Variants in NOX3 observed in about 807,000 individuals in gnomAD.
The protein encoded by NOX3 is NADPH oxidase 3.
NOX3 carries 74 observed loss-of-function variants against 76.7 expected under a neutral mutation model. The observed-to-expected ratio is 0.96, with a 90% CI of 0.80 to 1.17. NOX3 has a LOEUF of 1.17. Ranked by LOEUF, NOX3 falls within the 50% of genes most tolerant of loss-of-function variation. The probability of loss-of-function intolerance (pLI) is 0.00; values close to 1 mark genes in which losing one functional copy is unlikely to be tolerated. For synonymous variants in NOX3, 263 were observed against 261.1 expected, an observed-to-expected ratio of 1.01 and a Z score of -0.07; for missense variants, 695 against 703.3, an observed-to-expected ratio of 0.99 and a Z score of 0.13.
chr6:155,409,757 T>C (rs960366806), intron 11 of NOX3, among the ~76,000 whole-genome samples: 3 of 152,216 alleles, frequency 2.0e-5, no homozygotes, highest in Non-Finnish European at 4.4e-5. Flanking sequence ...GTCGAAATAA[T>C]TTTCAACATG....
intron 10 of NOX3, among the ~76,000 whole-genome samples, chr6:155,412,614 G>A (rs1025007753): frequency 6.6e-6 from 1 of 152,162 alleles, no homozygotes; most frequent in Non-Finnish European, 1.5e-5. Context: ...CTTTTCTCAG[G>A]AAGAGAGAGG....
chr6:155,437,443 T>C (rs1776922892), intron 6 of NOX3, among the ~76,000 whole-genome samples: 1 of 152,220 alleles, frequency 6.6e-6, no homozygotes, highest in African/African-American at 2.4e-5. Context: ...GCCCCTGTTA[T>C]ATCACAGGGC....
chr6:155,426,890 C>G (rs963771649), intron 9 of NOX3, among the ~76,000 whole-genome samples: 2 of 151,856 alleles, frequency 1.3e-5, no homozygotes, highest in Non-Finnish European at 2.9e-5. Context: ...TGTATACACA[C>G]AGGGCAGAAG....
Position 155,453,498 on chromosome 6 carries a change from C to A in NOX3, c.256-10G>T. On this transcript the variant is annotated splice_polypyrimidine_tract_variant and intron_variant, in intron 3 of 13. Coordinates refer to ENST00000159060, the MANE Select transcript of NOX3 (RefSeq NM_015718.3). Reference sequence around the variant, plus strand: ...ACGGTCCTCTGCAGCACTAGAGTAACAAAAAAATATGCCTGATTTATGGAA... The same window carrying A: ...ACGGTCCTCTGCAGCACTAGAGTAAAAAAAAAATATGCCTGATTTATGGAA... 1 of 1,600,314 alleles carries A rather than the reference C, an allele frequency of 6.2e-7. No individual in the cohort carries two copies. Among genetic ancestry groups the A allele is most frequent in the Non-Finnish European group, 8.6e-7 (1 of 1,168,672 alleles).
chr6:155,433,669 T>C (rs1776864500), intron 7 of NOX3, among the ~76,000 whole-genome samples: 2 of 152,196 alleles, frequency 1.3e-5, no homozygotes, highest in African/African-American at 4.8e-5. Flanking sequence ...GCTGACAAAA[T>C]GGCGGTTATG....
intron 10 of NOX3, among the ~76,000 whole-genome samples, chr6:155,414,627 T>TCC (rs1296917261): frequency 7.6e-6 from 1 of 131,038 alleles, no homozygotes; most frequent in African/African-American, 2.8e-5. Context: ...TTCTTTCTTT[T>TCC]TTTTTTTTTT....
At chr6:155,416,842 C>T (rs1390408063) in intron 10 of NOX3, among the ~76,000 whole-genome samples, 1 of 150,812 alleles carries the variant, frequency 6.6e-6, no homozygotes, top group South Asian at 2.1e-4. Context: ...CCTCCACCTC[C>T]CAGGTTCAAG....
intron 6 of NOX3, among the ~76,000 whole-genome samples, chr6:155,437,322 A>G (rs1582942870): frequency 6.6e-6 from 1 of 152,192 alleles, no homozygotes; most frequent in South Asian, 2.1e-4. Flanking sequence ...TTCAGTTCCT[A>G]GGTGTTTGTG....
chr6:155,450,110 G>A (rs1005069197), intron 4 of NOX3, among the ~76,000 whole-genome samples: 4 of 152,222 alleles, frequency 2.6e-5, no homozygotes, highest in Non-Finnish European at 5.9e-5. Flanking sequence ...GGAGGAGTGG[G>A]ATGAGGGGCA....
chr6:155,445,954 ATGC>A (rs1777056746), intron 4 of NOX3, among the ~76,000 whole-genome samples: 2 of 133,046 alleles, frequency 1.5e-5, no homozygotes, highest in African/African-American at 6.0e-5. Flanking sequence ...TAATATATAT[ATGC>A]TATATATATA....
chr6:155,443,240 AG>A, intron 5 of NOX3, 32 bp downstream of exon 5: 1 of 1,590,266 alleles, frequency 6.3e-7, no homozygotes, highest in Non-Finnish European at 8.6e-7. Flanking sequence ...CGGATTTTTC[AG>A]GGGAGAAGCT....
At chr6:155,406,386 T>A (rs1055123411) in intron 12 of NOX3, among the ~76,000 whole-genome samples, 9 of 152,314 alleles carry the variant, frequency 5.9e-5, no homozygotes, top group African/African-American at 2.2e-4. Context: ...AGTGCAGGCT[T>A]CACTTCAGTT....
At chr6:155,416,744 CTTTTTTTTTTTTT>C (rs534711414) in intron 10 of NOX3, among the ~76,000 whole-genome samples, 4 of 92,532 alleles carry the variant, frequency 4.3e-5, no homozygotes, top group South Asian at 4.0e-4. Context: ...CTGAAACATT[CTTTTTTTTTTTTT>C]TTTTTTTTTT....
At chr6:155,423,750 T>C (rs1776722238) in intron 9 of NOX3, among the ~76,000 whole-genome samples, 1 of 150,328 alleles carries the variant, frequency 6.7e-6, no homozygotes, top group African/African-American at 2.4e-5. Context: ...TTTCTTTTTT[T>C]TTTTTTTTTG....
chr6:155,431,029 G>A, intron 7 of NOX3, 94 bp from the exon 8 acceptor site: 2 of 757,846 alleles, frequency 2.6e-6, no homozygotes, highest in Non-Finnish European at 4.4e-6. Flanking sequence ...ACATGATGGG[G>A]ATTAGATATT....
chr6:155,411,735 T>C lies in NOX3; in HGVS notation c.1309-375A>G, dbSNP rs1562460077. On this transcript the variant is annotated intron_variant, in intron 10 of 13. Transcript: ENST00000159060. Reference sequence around the variant, plus strand: ...ACCGTTAGACCAACCCCTTCATCTTTACTTATGACCTAAGCTCTGGATTTG... The same window carrying C: ...ACCGTTAGACCAACCCCTTCATCTTCACTTATGACCTAAGCTCTGGATTTG... 3.3e-5 allele frequency among the ~76,000 whole-genome samples: 5 copies of C among 152,216 alleles called. 1 individual carries two copies. Among genetic ancestry groups the C allele is most frequent in the African/African-American group, 9.6e-5 (4 of 41,460 alleles).
chr6:155,396,354 G>C lies in NOX3; in HGVS notation c.*27+455C>G, dbSNP rs184356630. ...TAAGGTGGGTGTCTCTGCCATCAGG[G>C]AAATGAAAATTTGAAATGATTTCTA... On this transcript the variant is annotated intron_variant, in intron 13 of 13. Transcript: ENST00000159060. 1.8e-3 allele frequency among the ~76,000 whole-genome samples: 274 copies of C among 152,260 alleles called. 2 individuals are homozygous for C. Among genetic ancestry groups the C allele is most frequent in the Non-Finnish European group, 3.0e-3 (204 of 68,012 alleles).
chr6:155,442,016 G>A (rs1776993958), intron 5 of NOX3, among the ~76,000 whole-genome samples: 1 of 152,184 alleles, frequency 6.6e-6, no homozygotes, highest in Admixed American at 6.5e-5. Flanking sequence ...TGTAATCCCA[G>A]CACTTTGGGA....
At chr6:155,409,765 A>G (rs1776516803) in intron 11 of NOX3, among the ~76,000 whole-genome samples, 1 of 152,220 alleles carries the variant, frequency 6.6e-6, no homozygotes, top group African/African-American at 2.4e-5. Flanking sequence ...AATTTTCAAC[A>G]TGTCATGGCA....
Sources: gnomAD v4.1 joint callset for allele counts (sites outside exome capture counted in the v4.1 genomes callset) on GRCh38, gnomAD v4.1.1 for gene constraint, MANE v1.5 for transcripts, NCBI Gene and HGNC (gene_info 2026-07-23, HGNC 2026-07-21) for gene names.